NEXMIF: variants seen among roughly 807,000 people sequenced by gnomAD.
NEXMIF encodes the protein XLMR protein related to neurite extension.
Under a neutral mutation model 62.1 loss-of-function variants are expected in NEXMIF, and 8 were observed. The ratio of observed to expected loss-of-function variants is 0.13; its 90% CI spans 0.08 to 0.23. The LOEUF (loss-of-function observed/expected upper bound fraction) is 0.23, where lower values mean the gene tolerates loss of function less well. NEXMIF is among the 10% of genes least tolerant of loss of function. The pLI is 1.00. For missense variants in NEXMIF, 976 were observed against 1,113.3 expected (o/e 0.88, Z 1.75); for synonymous variants, 404 against 416.6 (o/e 0.97, Z 0.37).
At chrX:74,855,834 C>A (rs1026420215) in intron 1 of NEXMIF, among the ~76,000 whole-genome samples, 2 of 112,082 alleles carry the variant, frequency 1.8e-5, no homozygotes, top group Non-Finnish European at 3.8e-5. Context: ...ACTAACCTAA[C>A]CAAGCAAAGA....
chrX:74,834,422 C>T (rs1021781877), intron 1 of NEXMIF, among the ~76,000 whole-genome samples: 1 of 111,414 alleles, frequency 9.0e-6, no homozygotes, highest in African/African-American at 3.3e-5. Context: ...CAGACAACTT[C>T]TTTTTGCTCA....
chrX:74,782,631 A>G (rs2080250363), intron 1 of NEXMIF, among the ~76,000 whole-genome samples: 1 of 111,712 alleles, frequency 9.0e-6, no homozygotes, highest in Admixed American at 9.5e-5. Flanking sequence ...GCTTGGCCTC[A>G]TTACTCTACA....
intron 1 of NEXMIF, among the ~76,000 whole-genome samples, chrX:74,910,766 T>A (rs1157657070): frequency 9.0e-6 from 1 of 111,173 alleles, no homozygotes; most frequent in Non-Finnish European, 1.9e-5. Flanking sequence ...ACGGGGGCAG[T>A]TTCCCCCATA....
At chrX:74,838,064 CT>C (rs749877156) in intron 1 of NEXMIF, among the ~76,000 whole-genome samples, 25 of 111,500 alleles carry the variant, frequency 2.2e-4, no homozygotes, top group Middle Eastern at 4.6e-3. Flanking sequence ...GTGCCCTGGA[CT>C]TACAAGCCCT....
chrX:74,760,926 G>A (rs973685643), intron 1 of NEXMIF, among the ~76,000 whole-genome samples: 1 of 109,253 alleles, frequency 9.2e-6, no homozygotes, highest in Admixed American at 9.9e-5. Context: ...GGAGTGCAAC[G>A]GCAAAATCTT....
intron 1 of NEXMIF, among the ~76,000 whole-genome samples, chrX:74,895,726 TA>T (rs1362440579): frequency 1.8e-5 from 2 of 108,250 alleles, no homozygotes; most frequent in African/African-American, 3.4e-5. Context: ...TTGTGGGATT[TA>T]AAAATCAAAA....
At chrX:74,760,649 G>A (rs1226399311) in intron 1 of NEXMIF, among the ~76,000 whole-genome samples, 1 of 110,864 alleles carries the variant, frequency 9.0e-6, no homozygotes, top group Admixed American at 9.7e-5. Context: ...GATAATCATG[G>A]GGTTTTTGTC....
chrX:74,863,390 C>A (rs1007938757), intron 1 of NEXMIF, among the ~76,000 whole-genome samples: 2 of 110,826 alleles, frequency 1.8e-5, no homozygotes, highest in African/African-American at 6.6e-5. Context: ...TCTAGCTAGA[C>A]TAATGAGAGA....
At chrX:74,884,155 T>C (rs1039865210) in intron 1 of NEXMIF, among the ~76,000 whole-genome samples, 14 of 111,464 alleles carry the variant, frequency 1.3e-4, no homozygotes, top group Non-Finnish European at 2.6e-4. Flanking sequence ...GCACTAAACA[T>C]GGAAAGGAAC....
In NEXMIF at chrX:74,836,410, G is replaced by A. The variant is rs747626561; in HGVS notation, c.-48+88473C>T. Among the ~76,000 whole-genome samples the A allele has an allele frequency of 2.7e-5, 3 of 112,273 alleles. No individual in the cohort carries two copies. In the South Asian group the frequency reaches 1.1e-3, roughly 42 times the overall value. ...TGGGAATGTGCTGGATCACATCTGT[G>A]GTCAGAACGTCTTAGAACCCAAAGC... On this transcript the variant is annotated intron_variant, in intron 1 of 3. Transcript: ENST00000055682.
intron 1 of NEXMIF, among the ~76,000 whole-genome samples, chrX:74,883,695 G>C (rs761718567): frequency 8.9e-6 from 1 of 112,221 alleles, no homozygotes; most frequent in Non-Finnish European, 1.9e-5. Context: ...GTGACGGGCA[G>C]AATGGAACCA....
At chrX:74,850,872 A>G (rs1414870958) in intron 1 of NEXMIF, among the ~76,000 whole-genome samples, 1 of 110,850 alleles carries the variant, frequency 9.0e-6, no homozygotes, top group Middle Eastern at 4.2e-3. Context: ...AAGATCCCCA[A>G]AAAAAGAGAT....
At chrX:74,814,771 C>G (rs1348057641) in intron 1 of NEXMIF, among the ~76,000 whole-genome samples, 1 of 112,248 alleles carries the variant, frequency 8.9e-6, no homozygotes, top group Non-Finnish European at 1.9e-5. Context: ...TGTTGGTTCA[C>G]AAATGAAACC....
intron 1 of NEXMIF, among the ~76,000 whole-genome samples, chrX:74,819,261 G>T (rs2080386469): frequency 9.0e-6 from 1 of 111,724 alleles, no homozygotes; most frequent in Admixed American, 9.5e-5. Context: ...TACCATTCAG[G>T]ACATAGGCAT....
At chrX:74,786,865 G>A (rs73625825) in intron 1 of NEXMIF, among the ~76,000 whole-genome samples, 6,101 of 108,117 alleles carry the variant, frequency 0.056, 200 homozygotes, top group South Asian at 0.13. Context: ...GTGCGTGTGT[G>A]CACACACACA....
intron 1 of NEXMIF, among the ~76,000 whole-genome samples, chrX:74,778,119 C>T (rs1369609443): frequency 8.9e-6 from 1 of 112,108 alleles, no homozygotes; most frequent in Non-Finnish European, 1.9e-5. Flanking sequence ...TCCTGTAGTT[C>T]ACCTTTAGAT....
chrX:74,764,903 T>C (rs1602220928), intron 1 of NEXMIF, among the ~76,000 whole-genome samples: 1 of 111,836 alleles, frequency 8.9e-6, no homozygotes, highest in East Asian at 2.8e-4. Context: ...TATTCTGTTG[T>C]TTTGGGGTGG....
chrX:74,874,408 G>C (rs2080619401), intron 1 of NEXMIF, among the ~76,000 whole-genome samples: 1 of 109,589 alleles, frequency 9.1e-6, no homozygotes, highest in Admixed American at 9.8e-5. Context: ...TTGTAGTATA[G>C]TTTGAAGTCA....
At chrX:74,816,573 T>C (rs1003352755) in intron 1 of NEXMIF, among the ~76,000 whole-genome samples, 1 of 111,880 alleles carries the variant, frequency 8.9e-6, no homozygotes, top group Non-Finnish European at 1.9e-5. Flanking sequence ...AAGCAAACAC[T>C]CTCTTTACAC....
Sources: gnomAD v4.1 joint callset for allele counts (sites outside exome capture counted in the v4.1 genomes callset) on GRCh38, gnomAD v4.1.1 for gene constraint, MANE v1.5 for transcripts, NCBI Gene and HGNC (gene_info 2026-07-23, HGNC 2026-07-21) for gene names.